Variants in VWA3B observed in about 807,000 individuals in gnomAD.
VWA3B encodes the protein von Willebrand factor A domain-containing protein 3B.
VWA3B carries 138 observed loss-of-function variants against 158.3 expected under a neutral mutation model. The ratio of observed to expected loss-of-function variants is 0.87; its 90% confidence interval spans 0.76 to 1.00. The LOEUF is 1.00. VWA3B is among the 50% of genes least tolerant of loss of function. The pLI is 0.00. For missense variants in VWA3B, 1,555 were observed against 1,565.1 expected (o/e 0.99, Z 0.11); for synonymous variants, 596 against 587.3 (o/e 1.01, Z -0.21).
intron 1 of VWA3B, among the ~76,000 whole-genome samples, chr2:98,092,817 T>TAC (rs1491137041): frequency 2.9e-4 from 4 of 14,010 alleles, no homozygotes; most frequent in Non-Finnish European, 5.1e-4. Context: ...GATGTTTTTG[T>TAC]ATATATATAT....
chr2:98,163,601 A>T (rs1166595868), intron 8 of VWA3B, among the ~76,000 whole-genome samples: 1 of 152,172 alleles, frequency 6.6e-6, no homozygotes, highest in Non-Finnish European at 1.5e-5. Flanking sequence ...CTTGTATACT[A>T]AGGAAAACCA....
At chr2:98,171,111 A>C (rs1679546492) in intron 8 of VWA3B, among the ~76,000 whole-genome samples, 2 of 152,370 alleles carry the variant, frequency 1.3e-5, no homozygotes, top group South Asian at 4.1e-4. Flanking sequence ...ATGATGGCTT[A>C]AGAAAAGTTT....
intron 8 of VWA3B, among the ~76,000 whole-genome samples, chr2:98,173,750 G>A (rs1003492687): frequency 6.6e-6 from 1 of 152,152 alleles, no homozygotes; most frequent in Non-Finnish European, 1.5e-5. Context: ...GGTGGATCAC[G>A]AGGTCAAGAG....
At chr2:98,171,373 G>T (rs1031688053) in intron 8 of VWA3B, among the ~76,000 whole-genome samples, 1 of 152,290 alleles carries the variant, frequency 6.6e-6, no homozygotes, top group African/African-American at 2.4e-5. Flanking sequence ...ACTTTGGAGC[G>T]TGTATCTGAG....
At chr2:98,213,306 AC>A (rs1470446692) in intron 13 of VWA3B, among the ~76,000 whole-genome samples, 3 of 152,170 alleles carry the variant, frequency 2.0e-5, no homozygotes, top group Non-Finnish European at 4.4e-5. Flanking sequence ...GGGTGGTGTC[AC>A]CACAGAGAGG....
chr2:98,163,075 G>A, intron 8 of VWA3B, 99 bp downstream of exon 8: 2 of 1,546,558 alleles, frequency 1.3e-6, no homozygotes, highest in South Asian at 2.5e-5. Flanking sequence ...AAGCTCCAGA[G>A]CCCAGCTGCG....
At chr2:98,121,488 C>G (rs1442019275) in intron 5 of VWA3B, 30 bp downstream of exon 5, 1 of 1,602,382 alleles carries the variant, frequency 6.2e-7, no homozygotes, top group Non-Finnish European at 8.5e-7. Context: ...TGGCCCCAGG[C>G]CATGGAGGTG....
chr2:98,306,213 G>T (rs551128123), intron 26 of VWA3B, among the ~76,000 whole-genome samples: 1 of 151,834 alleles, frequency 6.6e-6, no homozygotes, highest in South Asian at 2.1e-4. Context: ...AGGTAGTGAG[G>T]TGGCCCCACG....
chr2:98,088,111 A>G (rs572014058), intron 1 of VWA3B, among the ~76,000 whole-genome samples: 17 of 152,304 alleles, frequency 1.1e-4, no homozygotes, highest in Middle Eastern at 3.4e-3. Flanking sequence ...TCTGGGGAAG[A>G]GTTGCATCAG....
rs759897204 is a variant in VWA3B, at chr2:98,236,492, T to A, written c.2516+15T>A. ...TATGACCACGAGTGAGTTCTTTAATTTGACAAAGACAGTTCTGTTATGCTT... is the reference window on the plus strand; with the variant it reads ...TATGACCACGAGTGAGTTCTTTAATATGACAAAGACAGTTCTGTTATGCTT... On this transcript the variant is annotated intron_variant, in intron 18 of 27. Transcript: ENST00000477737. 4 of 1,614,100 alleles carry A rather than the reference T, an allele frequency of 2.5e-6. No homozygotes were observed. The East Asian group carries it at 8.9e-5, about 36-fold the overall frequency.
At chr2:98,093,025 T>C in intron 1 of VWA3B, 36 bp from the exon 2 acceptor site, 1 of 1,513,856 alleles carries the variant, frequency 6.6e-7, no homozygotes, top group South Asian at 1.2e-5. Flanking sequence ...GATTTCCAAG[T>C]TTTTAGGAAG....
intron 8 of VWA3B, among the ~76,000 whole-genome samples, chr2:98,171,152 G>A (rs1679550034): frequency 6.6e-6 from 1 of 152,136 alleles, no homozygotes; most frequent in Non-Finnish European, 1.5e-5. Flanking sequence ...CCTTTATTTA[G>A]TGCTTACTCA....
intron 2 of VWA3B, among the ~76,000 whole-genome samples, chr2:98,101,290 C>G (rs1242454692): frequency 6.6e-6 from 1 of 152,094 alleles, no homozygotes; most frequent in Admixed American, 6.5e-5. Context: ...GTATATACAA[C>G]GTATATATAC....
rs1471300001 is a variant in VWA3B at position 98,112,282 on chromosome 2, GT to G, written c.197-3369del. Among the ~76,000 whole-genome samples, 14 of 32,512 alleles carry G rather than the reference GT, an allele frequency of 4.3e-4. No homozygotes were observed. In the African/African-American group the frequency reaches 0.011, roughly 25 times the overall value. The allele number at this position is 32,512 out of a possible 152,430, so 21.3% of individuals were successfully genotyped here. A position where few individuals can be genotyped will look rare whatever the true frequency, so the allele number is the denominator to read the frequency against. On this transcript the variant is annotated intron_variant, in intron 2 of 27. Coordinates refer to ENST00000477737, the MANE Select transcript of VWA3B (RefSeq NM_144992.5). ...CCATTGTTCTATATGTCTGTTTGGG[GT>G]GTGTGTGTGTGTGTGTGTGGGTGTG...
At chr2:98,279,525 C>A (rs139029060) in intron 22 of VWA3B, among the ~76,000 whole-genome samples, 50 of 152,264 alleles carry the variant, frequency 3.3e-4, no homozygotes, top group African/African-American at 1.1e-3. Context: ...TAGCAGGGGC[C>A]ACTCAGGAAG....
intron 1 of VWA3B, among the ~76,000 whole-genome samples, chr2:98,089,308 AG>A (rs1682101234): frequency 6.6e-6 from 1 of 152,196 alleles, no homozygotes; most frequent in Admixed American, 6.5e-5. Flanking sequence ...AGTGAGGACA[AG>A]CCTGAAGTGC....
At chr2:98,308,334 C>T (rs546558666) in intron 26 of VWA3B, among the ~76,000 whole-genome samples, 3 of 152,316 alleles carry the variant, frequency 2.0e-5, no homozygotes, top group East Asian at 3.9e-4. Context: ...GAAATAACTG[C>T]TCTTCCCTTC....
chr2:98,099,188 T>C (rs760696925), intron 2 of VWA3B: 1 of 152,274 alleles, frequency 6.6e-6, no homozygotes, highest in East Asian at 1.9e-4. Context: ...CTTTTAGATG[T>C]TTTTGTGTTA....
At chr2:98,321,675 A>G in the VWA3B span, among the ~76,000 whole-genome samples, 2 of 152,190 alleles carry the variant, frequency 1.3e-5, no homozygotes, top group Admixed American at 6.5e-5. Context: ...GCTTTTGATT[A>G]TACAGGCTCT....
Sources: allele counts gnomAD v4.1 joint callset (sites outside exome capture counted in the v4.1 genomes callset), GRCh38; gene constraint gnomAD v4.1.1; transcripts MANE v1.5; gene names NCBI Gene and HGNC (gene_info 2026-07-23, HGNC 2026-07-21).